Variants in SYMPK observed in about 807,000 individuals in gnomAD.
SYMPK encodes symplekin.
In SYMPK, 49 loss-of-function variants were observed where a neutral mutation model predicts 136.4. The observed-to-expected ratio is 0.36, with a 90% CI of 0.29 to 0.46. The LOEUF is 0.46. Ranked by LOEUF, SYMPK falls within the 20% of genes least tolerant of loss-of-function variation. The pLI, the probability that SYMPK is intolerant of heterozygous loss-of-function variation, is 1.00. For synonymous variants in SYMPK, 766 were observed against 713.0 expected (o/e 1.07, Z -1.19); for missense variants, 1,365 against 1,690.0 (o/e 0.81, Z 3.37).
intron 7 of SYMPK, among the ~76,000 whole-genome samples, chr19:45,847,385 T>C (rs1481809557): frequency 4.6e-5 from 7 of 151,012 alleles, no homozygotes; most frequent in Admixed American, 6.6e-5. Flanking sequence ...GATTGTGCCA[T>C]TGCACTCCAG....
intron 14 of SYMPK, chr19:45,828,177 A>G (rs968663064): frequency 3.0e-5 from 13 of 435,860 alleles, no homozygotes; most frequent in East Asian, 2.3e-4. Flanking sequence ...TTCACTGAAC[A>G]TAAGAACGGG....
In SYMPK at chr19:45,829,140, C is replaced by G; in HGVS notation, c.1815G>C (p.Leu605=). Residue 605 remains leucine (L), a synonymous_variant, in exon 14 of 27, where the codon CTG becomes CTC. Coordinates refer to ENST00000245934, the MANE Select transcript of SYMPK (RefSeq NM_004819.3). ...CCCGCACATCCTCCAGGATGAAGGA[C>G]AGGACCTCCGCCTTCAGGCCCGAGT... is the stretch of plus-strand genomic sequence containing the variant. ...QFNSGLKAEV[L]SFILEDVRAR... 1 of 1,614,208 alleles carries G rather than the reference C, an allele frequency of 6.2e-7. No homozygotes were observed. Among genetic ancestry groups the G allele is most frequent in the South Asian group, 1.1e-5 (1 of 91,084 alleles).
At position 45,820,985 on chromosome 19, in the gene SYMPK, T is replaced by C; in HGVS notation, c.2893+399A>G. On this transcript the variant is annotated intron_variant, in intron 22 of 26. Coordinates refer to ENST00000245934, the MANE Select transcript of SYMPK (RefSeq NM_004819.3). ...GCAAGCTCTCCTGCCTCACCTACCC[T>C]GGCCCACAAGTGCCCTGGAGCCCTG... 5.1e-6 allele frequency: 3 copies of C among 591,722 alleles called. No individual in the cohort carries two copies. The East Asian group carries it at 8.6e-5, about 17-fold the overall frequency. The allele number at this position is 591,722 out of a possible 1,614,324, so 36.7% of individuals were successfully genotyped here. A position where few individuals can be genotyped will look rare whatever the true frequency, so the allele number is the denominator to read the frequency against.
chr19:45,854,365 C>T (rs1384974227), intron 2 of SYMPK, 26 bp downstream of exon 2: 1 of 1,611,536 alleles, frequency 6.2e-7, no homozygotes, highest in African/African-American at 1.3e-5. Flanking sequence ...TGCTTCCTCA[C>T]TCCAAGCCCT....
chr19:45,841,227 C>G (rs2341633), intron 9 of SYMPK, among the ~76,000 whole-genome samples: 97,595 of 151,624 alleles, frequency 0.64, 32,367 homozygotes, highest in African/African-American at 0.8. Flanking sequence ...CAGGTGATCC[C>G]CTCAACTTGG....
chr19:45,862,907 G>C (rs975212759), intron 1 of SYMPK, among the ~76,000 whole-genome samples, 151 bp downstream of exon 1: 7 of 152,216 alleles, frequency 4.6e-5, no homozygotes, highest in African/African-American at 1.7e-4. Flanking sequence ...GCACTAGGGA[G>C]CCAAGGAAGG....
intron 3 of SYMPK, 58 bp from the exon 4 acceptor site, chr19:45,852,593 A>G: frequency 6.3e-7 from 1 of 1,597,056 alleles, no homozygotes; most frequent in East Asian, 2.2e-5. Flanking sequence ...GGGGCCAATC[A>G]ATGCAGACAG....
chr19:45,815,840 G>A lies in SYMPK; in HGVS notation c.3687+11C>T, dbSNP rs1378356344. On this transcript the variant is annotated intron_variant, in intron 26 of 26. Transcript: ENST00000245934. ...GGCTTCTTCCTTCGCAGCGGAGGCT[G>A]CTCTCCCTACCTTGGGTAGGGGGCC... 7 of 1,610,332 alleles carry A rather than the reference G, an allele frequency of 4.3e-6. No individual in the cohort carries two copies. The highest frequency in any genetic ancestry group is 5.9e-6 in the Non-Finnish European group (7 of 1,179,040).
At chr19:45,845,202 A>AC (rs1172749569) in intron 7 of SYMPK, among the ~76,000 whole-genome samples, 1 of 151,078 alleles carries the variant, frequency 6.6e-6, no homozygotes, top group East Asian at 1.9e-4. Context: ...AACCTCCACC[A>AC]CCCAGACTCA....
chr19:45,823,569 G>A lies in SYMPK; in HGVS notation c.2600-97C>T. The A allele has an allele frequency of 4.1e-6, 5 of 1,211,144 alleles. No individual in the cohort carries two copies. In the South Asian group the frequency reaches 5.0e-5, roughly 12 times the overall value. The allele number at this position is 1,211,144 out of a possible 1,614,324, so 75.0% of individuals were successfully genotyped here. A position where few individuals can be genotyped will look rare whatever the true frequency, so the allele number is the denominator to read the frequency against. On this transcript the variant is annotated intron_variant, in intron 19 of 26. Transcript: ENST00000245934. ...AGAGAAGCAGGCAGGTGTGCAGGAAGGGATGGCAACTTCACCCTTGGCTGC... is the reference window on the plus strand; with the variant it reads ...AGAGAAGCAGGCAGGTGTGCAGGAAAGGATGGCAACTTCACCCTTGGCTGC...
At chr19:45,852,892 C>T (rs1971730313) in intron 3 of SYMPK, among the ~76,000 whole-genome samples, 1 of 152,062 alleles carries the variant, frequency 6.6e-6, no homozygotes. Flanking sequence ...GGTTTGGCCT[C>T]CATTCACCTG....
intron 25 of SYMPK, 145 bp from the exon 26 acceptor site, chr19:45,816,328 C>T (rs1007657435): frequency 1.2e-5 from 15 of 1,220,334 alleles, no homozygotes; most frequent in Non-Finnish European, 1.7e-5. Context: ...AGACCCCCAA[C>T]TCCCAGCAGG....
intron 25 of SYMPK, 30 bp from the exon 26 acceptor site, chr19:45,816,213 C>CA (rs1351073098): frequency 6.9e-7 from 1 of 1,445,064 alleles, no homozygotes; most frequent in Non-Finnish European, 9.2e-7. Flanking sequence ...CACAGAAGCT[C>CA]AGAGGTGGGT....
intron 8 of SYMPK, among the ~76,000 whole-genome samples, chr19:45,843,428 T>G (rs913011108): frequency 7.2e-5 from 11 of 152,166 alleles, no homozygotes; most frequent in African/African-American, 2.7e-4. Flanking sequence ...TCGCTAATCT[T>G]GGAACATCTA....
intron 21 of SYMPK, among the ~76,000 whole-genome samples, chr19:45,822,181 C>T (rs1195364540): frequency 1.4e-5 from 2 of 139,132 alleles, no homozygotes; most frequent in East Asian, 4.3e-4. Context: ...TGCACTGGCA[C>T]GATCTCCGCT....
chr19:45,838,349 T>A (rs1568617983), intron 10 of SYMPK, 112 bp downstream of exon 10: 2 of 1,298,224 alleles, frequency 1.5e-6, no homozygotes, highest in East Asian at 5.1e-5. Flanking sequence ...TTTTCTTTAT[T>A]AATTAGGAGG....
At chr19:45,831,352 T>C in intron 12 of SYMPK, 32 bp downstream of exon 12, 1 of 1,479,998 alleles carries the variant, frequency 6.8e-7, no homozygotes, top group Non-Finnish European at 9.0e-7. Flanking sequence ...GTAGGGCTCC[T>C]GTCCTGCCCT....
intron 24 of SYMPK, 94 bp from the exon 25 acceptor site, chr19:45,816,671 C>A: frequency 6.4e-7 from 1 of 1,557,486 alleles, no homozygotes. Context: ...CCCTCCAGAA[C>A]TCCCAGCAGT....
intron 22 of SYMPK, among the ~76,000 whole-genome samples, chr19:45,818,498 G>A (rs1047674674): frequency 6.6e-6 from 1 of 152,146 alleles, no homozygotes; most frequent in Non-Finnish European, 1.5e-5. Context: ...AGGGAGGGAA[G>A]GCAGCTATTG....
Sources: gnomAD v4.1 joint callset for allele counts (sites outside exome capture counted in the v4.1 genomes callset) on GRCh38, gnomAD v4.1.1 for gene constraint, MANE v1.5 for transcripts, NCBI Gene and HGNC (gene_info 2026-07-23, HGNC 2026-07-21) for gene names.